LRMDA: variants seen among roughly 807,000 people sequenced by gnomAD.
LRMDA encodes leucine rich melanocyte differentiation associated, also known as leucine-rich melanocyte differentiation-associated protein.
A neutral mutation model predicts 29.8 loss-of-function variants in LRMDA; 18 were observed. The observed-to-expected ratio is 0.60, with a 90% confidence interval of 0.42 to 0.90. The LOEUF is 0.90. Ranked by LOEUF, LRMDA falls within the 40% of genes least tolerant of loss-of-function variation. The pLI is 0.00. For synonymous variants in LRMDA, 125 were observed against 109.4 expected, an observed-to-expected ratio of 1.14 and a Z score of -0.89; for missense variants, 273 against 273.9, an observed-to-expected ratio of 1.00 and a Z score of 0.02.
At chr10:76,252,073 T>C (rs980817324) in intron 5 of LRMDA, among the ~76,000 whole-genome samples, 1 of 152,194 alleles carries the variant, frequency 6.6e-6, no homozygotes, top group African/African-American at 2.4e-5. Flanking sequence ...GCTACTGATA[T>C]AACATATTAG....
chr10:76,251,845 C>T (rs541740767), intron 5 of LRMDA, among the ~76,000 whole-genome samples: 17 of 152,234 alleles, frequency 1.1e-4, no homozygotes, highest in Non-Finnish European at 2.1e-4. Context: ...CAAATCCTGC[C>T]GTGAGGGCTG....
chr10:75,470,332 A>G (rs893802102), intron 2 of LRMDA, among the ~76,000 whole-genome samples: 2 of 152,176 alleles, frequency 1.3e-5, no homozygotes, highest in Non-Finnish European at 2.9e-5. Context: ...TCTCGTCTCT[A>G]CTAAAAACAC....
intron 5 of LRMDA, among the ~76,000 whole-genome samples, chr10:76,126,421 G>T (rs762443859): frequency 2.2e-4 from 34 of 152,314 alleles, no homozygotes; most frequent in African/African-American, 7.7e-4. Flanking sequence ...TCAGTGCCCT[G>T]TGGTATAACC....
chr10:76,040,138 T>C (rs1367216466), intron 3 of LRMDA, among the ~76,000 whole-genome samples: 1 of 152,106 alleles, frequency 6.6e-6, no homozygotes, highest in African/African-American at 2.4e-5. Context: ...GATTCCCAGC[T>C]CCAGACTCTG....
At chr10:75,612,266 G>A (rs965747846) in intron 2 of LRMDA, among the ~76,000 whole-genome samples, 1 of 152,190 alleles carries the variant, frequency 6.6e-6, no homozygotes, top group African/African-American at 2.4e-5. Flanking sequence ...CTGGTTGAAT[G>A]TGCTCTGAAC....
At chr10:75,866,458 T>C (rs942611327) in intron 2 of LRMDA, among the ~76,000 whole-genome samples, 19 of 152,316 alleles carry the variant, frequency 1.2e-4, no homozygotes, top group Non-Finnish European at 2.5e-4. Context: ...AACAACAAGA[T>C]GTAAAGCTTT....
chr10:75,846,887 G>C (rs1844648247), intron 2 of LRMDA, among the ~76,000 whole-genome samples: 1 of 152,118 alleles, frequency 6.6e-6, no homozygotes, highest in Non-Finnish European at 1.5e-5. Flanking sequence ...GATACCCTAT[G>C]TACATAGATT....
chr10:76,487,057 AT>A (rs1842789607), intron 6 of LRMDA, among the ~76,000 whole-genome samples: 1 of 151,826 alleles, frequency 6.6e-6, no homozygotes, highest in Non-Finnish European at 1.5e-5. Context: ...TAAGATGGAA[AT>A]TTTTTTTCTT....
intron 6 of LRMDA, among the ~76,000 whole-genome samples, chr10:76,401,903 G>A (rs775376084): frequency 6.6e-6 from 1 of 152,124 alleles, no homozygotes; most frequent in East Asian, 1.9e-4. Context: ...CTGACTAGGG[G>A]TATAGTGGGA....
chr10:75,445,129 A>G (rs1420384698), intron 2 of LRMDA, among the ~76,000 whole-genome samples: 1 of 152,042 alleles, frequency 6.6e-6, no homozygotes, highest in East Asian at 1.9e-4. Flanking sequence ...AATTTTGTAG[A>G]GGTGGGATCT....
chr10:76,230,713 G>T (rs1374118415), intron 5 of LRMDA, among the ~76,000 whole-genome samples: 2 of 152,112 alleles, frequency 1.3e-5, no homozygotes, highest in African/African-American at 4.8e-5. Flanking sequence ...CATAATGAGT[G>T]CCAGACTTGT....
chr10:75,974,097 C>G (rs1180717521), intron 2 of LRMDA, among the ~76,000 whole-genome samples: 1 of 152,180 alleles, frequency 6.6e-6, no homozygotes, highest in East Asian at 1.9e-4. Flanking sequence ...TTTGCATCTT[C>G]TATCTGTGGT....
chr10:76,213,265 TG>T (rs1851668379), intron 5 of LRMDA, among the ~76,000 whole-genome samples: 1 of 152,234 alleles, frequency 6.6e-6, no homozygotes, highest in African/African-American at 2.4e-5. Flanking sequence ...TGATTCAGAC[TG>T]TATATGAGAT....
intron 2 of LRMDA, among the ~76,000 whole-genome samples, chr10:75,917,955 A>G (rs1258681212): frequency 8.3e-6 from 1 of 120,618 alleles, no homozygotes; most frequent in Non-Finnish European, 1.6e-5. Context: ...ACACATGCAC[A>G]TGTGCGCACA....
chr10:76,178,164 T>C (rs1359150306), intron 5 of LRMDA, among the ~76,000 whole-genome samples: 1 of 152,190 alleles, frequency 6.6e-6, no homozygotes, highest in East Asian at 1.9e-4. Context: ...TGCGATACCC[T>C]GTGTTTTCAC....
In LRMDA at chr10:76,558,474, G is replaced by A. The variant is rs1223136740; in HGVS notation, c.*1186G>A. The A allele has an allele frequency of 6.6e-6, 1 of 152,184 alleles. No homozygotes were observed. Among genetic ancestry groups the A allele is most frequent in the Non-Finnish European group, 1.5e-5 (1 of 68,030 alleles). 9.4% of individuals were successfully genotyped at this position (152,184 alleles called of 1,614,324 possible). ...TAAGTGTGATCATTGCTAGTTGGGT[G>A]ACTCAAAGTTTATCTAACTTGCTGG... On this transcript the variant is annotated 3_prime_UTR_variant, in exon 7 of 7. Transcript: ENST00000611255.
intron 2 of LRMDA, among the ~76,000 whole-genome samples, chr10:75,639,949 A>G (rs1430188892): frequency 1.3e-5 from 2 of 152,228 alleles, no homozygotes; most frequent in East Asian, 3.8e-4. Context: ...TTCATCACCA[A>G]GGGAGCACTG....
At chr10:76,218,149 C>T (rs547849345) in intron 5 of LRMDA, among the ~76,000 whole-genome samples, 10 of 152,296 alleles carry the variant, frequency 6.6e-5, no homozygotes, top group African/African-American at 2.2e-4. Flanking sequence ...GTGGAGTTGG[C>T]TATTGTAATA....
chr10:76,357,865 G>T (rs1191074813), intron 6 of LRMDA, among the ~76,000 whole-genome samples: 3 of 152,138 alleles, frequency 2.0e-5, no homozygotes, highest in Non-Finnish European at 4.4e-5. Flanking sequence ...TAATTATTAT[G>T]CAGTTCCTTA....
Sources: gnomAD v4.1 joint callset for allele counts (sites outside exome capture counted in the v4.1 genomes callset) on GRCh38, gnomAD v4.1.1 for gene constraint, MANE v1.5 for transcripts, NCBI Gene and HGNC (gene_info 2026-07-23, HGNC 2026-07-21) for gene names.